The following PLEKHA2 variants were observed in gnomAD, a reference collection of about 807,000 sequenced individuals.
PLEKHA2 encodes pleckstrin homology domain containing A2.
In PLEKHA2, 28 loss-of-function variants were observed where a neutral mutation model predicts 53.2. The ratio of observed to expected loss-of-function variants is 0.53; its 90% CI spans 0.39 to 0.72. The LOEUF is 0.72. Ranked by LOEUF, PLEKHA2 falls within the 30% of genes least tolerant of loss-of-function variation. PLEKHA2 has a pLI of 0.00. For missense variants in PLEKHA2, 426 were observed against 537.9 expected, an observed-to-expected ratio of 0.79 and a Z score of 2.06; for synonymous variants, 193 against 196.4, an observed-to-expected ratio of 0.98 and a Z score of 0.14.
chr8:38,912,842 TC>T (rs1335357439), intron 1 of PLEKHA2, among the ~76,000 whole-genome samples: 1 of 151,908 alleles, frequency 6.6e-6, no homozygotes, highest in Non-Finnish European at 1.5e-5. Context: ...AGCCAGTCCT[TC>T]CCCCCACCTC....
At chr8:38,905,755 G>A (rs2152363387) in intron 1 of PLEKHA2, among the ~76,000 whole-genome samples, 1 of 150,600 alleles carries the variant, frequency 6.6e-6, no homozygotes, top group Non-Finnish European at 1.5e-5. Context: ...CGCTATCTCG[G>A]CTCACTGCAA....
In PLEKHA2 at chr8:38,972,799, G is replaced by T; in HGVS notation, c.*3016G>T. On this transcript the variant is annotated 3_prime_UTR_variant, in exon 12 of 12. Transcript: ENST00000617275. ...TTTTTTTTTAAAGGAACTAAAAAAT[G>T]TACTGCATTTTCTTTGTGGAATAAA... 1 of 151,746 alleles carries T rather than the reference G, an allele frequency of 6.6e-6. No individual in the cohort carries two copies. The highest frequency in any genetic ancestry group is 1.5e-5 in the Non-Finnish European group (1 of 67,932). 9.4% of individuals were successfully genotyped at this position (151,746 alleles called of 1,614,324 possible).
chr8:38,951,536 C>T (rs1352933860), intron 6 of PLEKHA2, among the ~76,000 whole-genome samples: 1 of 125,798 alleles, frequency 7.9e-6, no homozygotes, highest in African/African-American at 3.0e-5. Flanking sequence ...AGTGCATATA[C>T]ACATAATCAC....
At chr8:38,966,194 C>T (rs558380205) in intron 10 of PLEKHA2, among the ~76,000 whole-genome samples, 8 of 152,064 alleles carry the variant, frequency 5.3e-5, no homozygotes, top group African/African-American at 1.7e-4. Context: ...ACACATCTAA[C>T]CAAGGAGGGT....
intron 2 of PLEKHA2, among the ~76,000 whole-genome samples, chr8:38,918,534 A>C: frequency 6.9e-6 from 1 of 145,258 alleles, no homozygotes; most frequent in East Asian, 2.1e-4. Context: ...ATGCACACAC[A>C]CCCCATATAC....
chr8:38,969,525 A>G lies in PLEKHA2; in HGVS notation c.1020A>G (p.Glu340=). ...GCAGGGGGCGGCCACCTTTGGAGGA[A>G]AAGAAAGCCCTCTGCAAAGCCCCCT... ...ILCRGRPPLE[E]KKALCKAPSV... The change falls in exon 12 of 12, where the codon GAA becomes GAG. Residue 340 remains glutamate (E), a synonymous_variant. Coordinates refer to ENST00000617275, the MANE Select transcript of PLEKHA2 (RefSeq NM_021623.2). The G allele has an allele frequency of 6.2e-7, 1 of 1,613,414 alleles. No individual in the cohort carries two copies. The highest frequency in any genetic ancestry group is 2.2e-5 in the East Asian group (1 of 44,866).
At chr8:38,933,889 G>A (rs1834442926) in intron 2 of PLEKHA2, among the ~76,000 whole-genome samples, 2 of 151,504 alleles carry the variant, frequency 1.3e-5, no homozygotes. Flanking sequence ...AAATCTGGCT[G>A]TAAGAGGCAG....
At chr8:38,907,776 T>A (rs1039063121) in intron 1 of PLEKHA2, among the ~76,000 whole-genome samples, 1 of 117,578 alleles carries the variant, frequency 8.5e-6, no homozygotes, top group Non-Finnish European at 1.8e-5. Flanking sequence ...AAAAAAAAAA[T>A]TAATCTATTC....
At chr8:38,963,579 A>G (rs1835078005) in intron 10 of PLEKHA2, among the ~76,000 whole-genome samples, 1 of 152,206 alleles carries the variant, frequency 6.6e-6, no homozygotes, top group African/African-American at 2.4e-5. Context: ...TAAAACTACT[A>G]GGAGAGATTA....
chr8:38,920,606 C>T (rs573076850), intron 2 of PLEKHA2, among the ~76,000 whole-genome samples: 40 of 145,080 alleles, frequency 2.8e-4, no homozygotes, highest in African/African-American at 8.8e-4. Context: ...GGATCTTACT[C>T]CGTTGCCCAG....
intron 9 of PLEKHA2, among the ~76,000 whole-genome samples, chr8:38,954,847 A>G (rs1834909500): frequency 6.6e-6 from 1 of 152,130 alleles, no homozygotes; most frequent in Non-Finnish European, 1.5e-5. Context: ...ATCCTGGCCA[A>G]CATAGCGAAA....
chr8:38,933,790 A>AAAGAAAG (rs752002495), intron 2 of PLEKHA2, among the ~76,000 whole-genome samples: 11 of 90,708 alleles, frequency 1.2e-4, no homozygotes, highest in African/African-American at 3.8e-4. Flanking sequence ...AAAAAAAAAA[A>AAAGAAAG]AAAAGAAAAG....
chr8:38,953,319 T>C lies in PLEKHA2; in HGVS notation c.725T>C (p.Ile242Thr). Reference protein sequence around the residue: ...CEQDREPLRTIFLKDVLKTHE... With the variant: ...CEQDREPLRTTFLKDVLKTHE... The stretch of plus-strand genomic sequence containing the variant: ...CAGGACCGAGAACCACTGCGCACCA[T>C]ATTTCTTAAGGATGTTCTGAAGACC... Residue 242 changes from isoleucine (I) to threonine (T), a missense_variant, in exon 9 of 12, where the codon ATA (isoleucine) becomes ACA (threonine). Physicochemically the swap from Ile to Thr is moderately conservative, Grantham distance 89. Coordinates refer to ENST00000617275, the MANE Select transcript of PLEKHA2 (RefSeq NM_021623.2). 1 of 1,613,354 alleles carries C rather than the reference T, an allele frequency of 6.2e-7. No individual in the cohort carries two copies. The highest frequency in any genetic ancestry group is 1.1e-5 in the South Asian group (1 of 91,064).
intron 10 of PLEKHA2, among the ~76,000 whole-genome samples, chr8:38,963,496 T>A (rs1238538629): frequency 6.6e-6 from 1 of 152,216 alleles, no homozygotes; most frequent in Admixed American, 6.5e-5. Flanking sequence ...AAAATAGATA[T>A]GTACATAACC....
chr8:38,933,572 G>A (rs994714661), intron 2 of PLEKHA2, among the ~76,000 whole-genome samples: 2 of 151,766 alleles, frequency 1.3e-5, no homozygotes, highest in Non-Finnish European at 2.9e-5. Flanking sequence ...GTCCTCAGCA[G>A]AGTCCTGCAG....
rs1441361793 is a variant in PLEKHA2 at position 38,945,648 on chromosome 8, A to G, written c.248-476A>G. The stretch of plus-strand genomic sequence containing the variant: ...AAAGAACAGGTTGAGAGTGAGGCCA[A>G]GGTCACAGATTTGATCTCAGGAAAG... On this transcript the variant is annotated intron_variant, in intron 4 of 11. Coordinates refer to ENST00000617275, the MANE Select transcript of PLEKHA2 (RefSeq NM_021623.2). Among the ~76,000 whole-genome samples, 8 of 152,218 alleles carry G rather than the reference A, an allele frequency of 5.3e-5. No homozygotes were observed. The East Asian group carries it at 1.5e-3, about 29-fold the overall frequency.
At chr8:38,907,684 C>T (rs1435776033) in intron 1 of PLEKHA2, among the ~76,000 whole-genome samples, 1 of 151,046 alleles carries the variant, frequency 6.6e-6, no homozygotes, top group Non-Finnish European at 1.5e-5. Flanking sequence ...TCGCATGAGC[C>T]CAGGAGGTGG....
At position 38,969,559 on chromosome 8, in the gene PLEKHA2, T is replaced by C; in HGVS notation, c.1054T>C (p.Ser352Pro). 6.2e-7 allele frequency: 1 copy of C among 1,611,944 alleles called. No homozygotes were observed. The highest frequency in any genetic ancestry group is 8.5e-7 in the Non-Finnish European group (1 of 1,178,994). Reference protein sequence around the residue: ...KALCKAPSVASSWQPWTPVPQ... With the variant: ...KALCKAPSVAPSWQPWTPVPQ... ...CCTCTGCAAAGCCCCCTCTGTGGCCTCCTCCTGGCAGCCCTGGACACCTGT... is the reference window on the plus strand; with the variant it reads ...CCTCTGCAAAGCCCCCTCTGTGGCCCCCTCCTGGCAGCCCTGGACACCTGT... The change falls in exon 12 of 12, where the codon TCC becomes CCC. Residue 352 changes from serine (S) to proline (P), a missense_variant. Physicochemically the swap from Ser to Pro is moderately conservative, Grantham distance 74 (BLOSUM62 -1). Transcript: ENST00000617275.
rs1278352513 is a variant in PLEKHA2 at position 38,936,070 on chromosome 8, C to T, written c.198+20C>T. 6.2e-7 allele frequency: 1 copy of T among 1,611,164 alleles called. No individual in the cohort carries two copies. Among genetic ancestry groups the T allele is most frequent in the Admixed American group, 1.7e-5 (1 of 59,986 alleles). The stretch of plus-strand genomic sequence containing the variant: ...TCGAAGGTAATGTTGACCTGGAACT[C>T]TGGGAATTCATGCTCTGTAAGTCGA... On this transcript the variant is annotated intron_variant, in intron 3 of 11. Transcript: ENST00000617275.
Sources: gnomAD v4.1 joint callset for allele counts (sites outside exome capture counted in the v4.1 genomes callset) on GRCh38, gnomAD v4.1.1 for gene constraint, MANE v1.5 for transcripts, NCBI Gene and HGNC (gene_info 2026-07-23, HGNC 2026-07-21) for gene names.